Variants in CACNG2 observed in about 807,000 individuals in gnomAD.
CACNG2 encodes calcium voltage-gated channel auxiliary subunit gamma 2.
A neutral mutation model predicts 25.9 loss-of-function variants in CACNG2; 3 were observed. The observed-to-expected ratio is 0.12, with a 90% CI of 0.05 to 0.30. The LOEUF is 0.30. Among genes scored for constraint, CACNG2 ranks in the 10% least tolerant of loss-of-function variants. CACNG2 has a pLI of 1.00. For missense variants in CACNG2, 341 were observed against 432.5 expected, an observed-to-expected ratio of 0.79 and a Z score of 1.88; for synonymous variants, 167 against 173.3, an observed-to-expected ratio of 0.96 and a Z score of 0.29.
intron 1 of CACNG2, among the ~76,000 whole-genome samples, chr22:36,658,997 A>G (rs886234572): frequency 6.6e-6 from 1 of 152,124 alleles, no homozygotes; most frequent in Non-Finnish European, 1.5e-5. Context: ...AAGTGTATGT[A>G]TGCCCTTTCA....
intron 1 of CACNG2, among the ~76,000 whole-genome samples, chr22:36,658,173 C>T (rs938131966): frequency 2.6e-5 from 4 of 152,124 alleles, no homozygotes; most frequent in African/African-American, 7.2e-5. Flanking sequence ...AAAGACCTCA[C>T]AAAGCCACAG....
intron 1 of CACNG2, among the ~76,000 whole-genome samples, chr22:36,596,750 T>C (rs1935684245): frequency 6.6e-6 from 1 of 152,148 alleles, no homozygotes; most frequent in Non-Finnish European, 1.5e-5. Context: ...CTTGTCTCCA[T>C]AGCTACCTCT....
chr22:36,651,886 C>A (rs1028229658), intron 1 of CACNG2, among the ~76,000 whole-genome samples: 1 of 152,106 alleles, frequency 6.6e-6, no homozygotes, highest in African/African-American at 2.4e-5. Flanking sequence ...GTTTTTGAGA[C>A]AGAGTCTCGC....
chr22:36,623,227 G>A (rs946312764), intron 1 of CACNG2, among the ~76,000 whole-genome samples: 2 of 151,694 alleles, frequency 1.3e-5, no homozygotes, highest in African/African-American at 4.8e-5. Context: ...CACCATGTTG[G>A]TCAGGCTGGT....
chr22:36,662,797 C>T (rs528424470), intron 1 of CACNG2, among the ~76,000 whole-genome samples: 11 of 152,288 alleles, frequency 7.2e-5, no homozygotes, highest in African/African-American at 2.4e-4. Context: ...CCCTACAACT[C>T]ATCAACGTAG....
intron 1 of CACNG2, among the ~76,000 whole-genome samples, chr22:36,701,636 T>C (rs1356063848): frequency 1.3e-5 from 2 of 151,770 alleles, no homozygotes; most frequent in African/African-American, 4.8e-5. Context: ...TGTCACTCTG[T>C]GGAAGCCTAA....
At position 36,563,154 on chromosome 22, in the gene CACNG2, T is replaced by C. The variant is rs1392968726; in HGVS notation, c.*1197A>G. Among the ~76,000 whole-genome samples the C allele has an allele frequency of 6.6e-6, 1 of 152,244 alleles. No individual in the cohort carries two copies. Among genetic ancestry groups the C allele is most frequent in the Non-Finnish European group, 1.5e-5 (1 of 68,038 alleles). On this transcript the variant is annotated 3_prime_UTR_variant, in exon 4 of 4. Transcript: ENST00000300105. ...AAAAAATCACCACTTGTTTTTCCTTTTTCTTTTGTAAAAAGAAGCCTTTTT... is the reference window on the plus strand; with the variant it reads ...AAAAAATCACCACTTGTTTTTCCTTCTTCTTTTGTAAAAAGAAGCCTTTTT...
intron 1 of CACNG2, among the ~76,000 whole-genome samples, chr22:36,686,721 G>C: frequency 6.6e-6 from 1 of 152,362 alleles, no homozygotes. Flanking sequence ...CCCGGGCACA[G>C]GGGTTCTAGT....
chr22:36,652,014 C>T (rs946656736), intron 1 of CACNG2, among the ~76,000 whole-genome samples: 19 of 152,132 alleles, frequency 1.2e-4, no homozygotes, highest in African/African-American at 4.3e-4. Context: ...CAATCATGTG[C>T]CACCATGCCC....
At chr22:36,654,938 G>A (rs1284222448) in intron 1 of CACNG2, among the ~76,000 whole-genome samples, 2 of 152,108 alleles carry the variant, frequency 1.3e-5, no homozygotes, top group Non-Finnish European at 2.9e-5. Flanking sequence ...GAAAAGTGTG[G>A]ATAGGAGCAG....
At chr22:36,640,003 T>G (rs1936418919) in intron 1 of CACNG2, among the ~76,000 whole-genome samples, 1 of 152,208 alleles carries the variant, frequency 6.6e-6, no homozygotes, top group African/African-American at 2.4e-5. Context: ...ATCAGCAGCA[T>G]GAGCCTCAGT....
chr22:36,591,333 G>T (rs907893058), intron 1 of CACNG2, among the ~76,000 whole-genome samples: 1 of 152,096 alleles, frequency 6.6e-6, no homozygotes, highest in Non-Finnish European at 1.5e-5. Context: ...CCGGCCTAAG[G>T]GGGGAGATAT....
intron 1 of CACNG2, among the ~76,000 whole-genome samples, chr22:36,611,408 C>G (rs896387984): frequency 6.6e-6 from 1 of 152,194 alleles, no homozygotes; most frequent in African/African-American, 2.4e-5. Flanking sequence ...CAGGTGCAGA[C>G]TCTTCAGAGG....
At chr22:36,582,406 C>CTTT (rs750246907) in intron 2 of CACNG2, among the ~76,000 whole-genome samples, 45 of 96,754 alleles carry the variant, frequency 4.7e-4, no homozygotes, top group South Asian at 1.6e-3. Flanking sequence ...CTCTTTCTTT[C>CTTT]TTTCTTTTTT....
At chr22:36,600,414 C>T (rs533479033) in intron 1 of CACNG2, among the ~76,000 whole-genome samples, 1 of 146,650 alleles carries the variant, frequency 6.8e-6, no homozygotes, top group Admixed American at 7.1e-5. Context: ...CACACCCGTC[C>T]TGTCTTTTTA....
intron 1 of CACNG2, among the ~76,000 whole-genome samples, chr22:36,702,078 T>C (rs942808514): frequency 2.6e-5 from 4 of 152,104 alleles, no homozygotes; most frequent in Non-Finnish European, 5.9e-5. Context: ...GCAGAACACC[T>C]TTGACTTTTA....
At chr22:36,678,420 A>G (rs1323693820) in intron 1 of CACNG2, among the ~76,000 whole-genome samples, 1 of 151,832 alleles carries the variant, frequency 6.6e-6, no homozygotes, top group Admixed American at 6.6e-5. Context: ...TTCCTCTCTG[A>G]CCTTAGGGAT....
At chr22:36,652,485 C>T (rs891661855) in intron 1 of CACNG2, among the ~76,000 whole-genome samples, 1 of 152,212 alleles carries the variant, frequency 6.6e-6, no homozygotes, top group African/African-American at 2.4e-5. Context: ...TCCAGAACAT[C>T]CTTCACCCCT....
intron 1 of CACNG2, among the ~76,000 whole-genome samples, chr22:36,665,979 C>T (rs1172798387): frequency 2.0e-5 from 3 of 152,130 alleles, no homozygotes; most frequent in Admixed American, 6.5e-5. Context: ...TGTCTGTCGA[C>T]GGATGAATGG....
Sources: gnomAD v4.1 joint callset for allele counts (sites outside exome capture counted in the v4.1 genomes callset) on GRCh38, gnomAD v4.1.1 for gene constraint, MANE v1.5 for transcripts, NCBI Gene and HGNC (gene_info 2026-07-23, HGNC 2026-07-21) for gene names.